The following ZNF724 variants were observed in gnomAD, a reference collection of about 807,000 sequenced individuals.
ZNF724 encodes zinc finger protein 724.
In ZNF724, 14 loss-of-function variants were observed where a neutral mutation model predicts 29.3. That is an observed-to-expected ratio of 0.48 (90% CI 0.32 to 0.75). The LOEUF (loss-of-function observed/expected upper bound fraction) is 0.75, where lower values mean the gene tolerates loss of function less well. Among genes scored for constraint, ZNF724 ranks in the 30% least tolerant of loss-of-function variants. ZNF724 has a pLI of 0.04. For missense variants in ZNF724, 557 were observed against 571.2 expected, an observed-to-expected ratio of 0.98 and a Z score of 0.25; for synonymous variants, 180 against 193.6, an observed-to-expected ratio of 0.93 and a Z score of 0.58.
intron 1 of ZNF724, among the ~76,000 whole-genome samples, chr19:23,241,129 C>T (rs1400991269): frequency 1.3e-5 from 2 of 151,946 alleles, no homozygotes; most frequent in African/African-American, 4.8e-5. Flanking sequence ...ACTATAGACA[C>T]CTCTGTACAC....
intron 1 of ZNF724, among the ~76,000 whole-genome samples, chr19:23,238,829 C>A (rs1972065840): frequency 6.6e-6 from 1 of 152,188 alleles, no homozygotes; most frequent in Non-Finnish European, 1.5e-5. Context: ...ATCACTTGAA[C>A]CCAGGAGGCA....
intron 1 of ZNF724, among the ~76,000 whole-genome samples, chr19:23,243,463 G>C (rs1173492739): frequency 1.1e-5 from 1 of 90,894 alleles, no homozygotes; most frequent in Non-Finnish European, 2.0e-5. Context: ...GTGACAGAGC[G>C]AGAGTCCATC....
chr19:23,238,780 C>T (rs1220806565), intron 1 of ZNF724, among the ~76,000 whole-genome samples: 2 of 152,078 alleles, frequency 1.3e-5, no homozygotes, highest in African/African-American at 2.4e-5. Flanking sequence ...TGGTGGCATG[C>T]ACCTGTAATC....
intron 1 of ZNF724, among the ~76,000 whole-genome samples, chr19:23,247,330 A>C (rs1433703714): frequency 6.6e-6 from 1 of 152,194 alleles, no homozygotes; most frequent in Non-Finnish European, 1.5e-5. Context: ...TATTTTTTGA[A>C]ACCTGTCTAT....
At position 23,223,990 on chromosome 19, in the gene ZNF724, A is replaced by T. The variant is rs1451279600; in HGVS notation, c.255T>A (p.Leu85=). Reference sequence around the variant, plus strand: ...AAGCTTTTATGCTCTGCTCTGGCCGAAGGTCTTGGGCAAAATAACAACACA... The same window carrying T: ...AAGCTTTTATGCTCTGCTCTGGCCGTAGGTCTTGGGCAAAATAACAACACA... The part of the protein sequence containing the change: ...PGMCCYFAQD[L]RPEQSIKASL... Residue 85 remains leucine, a synonymous_variant, in exon 4 of 4, where the codon CTT becomes CTA. Coordinates refer to ENST00000418100, the MANE Select transcript of ZNF724 (RefSeq NM_001355404.2). 8 of 688,724 alleles carry T rather than the reference A, an allele frequency of 1.2e-5. No homozygotes were observed. Among genetic ancestry groups the T allele is most frequent in the Non-Finnish European group, 2.1e-5 (8 of 380,838 alleles). The allele number at this position is 688,724 out of a possible 1,614,324, so 42.7% of individuals were successfully genotyped here. A position where few individuals can be genotyped will look rare whatever the true frequency, so the allele number is the denominator to read the frequency against.
At chr19:23,240,124 T>C (rs1021513210) in intron 1 of ZNF724, among the ~76,000 whole-genome samples, 1 of 151,876 alleles carries the variant, frequency 6.6e-6, no homozygotes, top group Non-Finnish European at 1.5e-5. Context: ...CCAACCAGCC[T>C]GGTCAACATG....
intron 3 of ZNF724, 39 bp from the exon 4 acceptor site, chr19:23,224,057 G>T (rs1452387110): frequency 1.6e-6 from 1 of 612,574 alleles, no homozygotes; most frequent in African/African-American, 1.8e-5. Context: ...CCACATACTA[G>T]ACTCAGATAC....
Position 23,223,359 on chromosome 19 carries a change from T to C in ZNF724, c.886A>G (p.Thr296Ala), listed in dbSNP as rs767060023. 13 of 769,024 alleles carry C rather than the reference T, an allele frequency of 1.7e-5. No individual in the cohort carries two copies. In the Admixed American group the frequency reaches 1.9e-4, roughly 11 times the overall value. The allele number at this position is 769,024 out of a possible 1,614,324, so 47.6% of individuals were successfully genotyped here. A position where few individuals can be genotyped will look rare whatever the true frequency, so the allele number is the denominator to read the frequency against. ...ECGKAFNQSS[T>A]LTRHKIIHAG... ...TGAATTATCTTATGTCTAGTAAGGG[T>C]TGATGATTGGTTAAAAGCTTTGCCA... The change falls in exon 4 of 4, where the codon ACC (threonine) becomes GCC (alanine). Residue 296 changes from threonine (T) to alanine (A), a missense_variant. Thr to Ala is a moderately conservative substitution (Grantham distance 58). Transcript: ENST00000418100.
chr19:23,246,615 T>C (rs1284643310), intron 1 of ZNF724, among the ~76,000 whole-genome samples: 2 of 151,052 alleles, frequency 1.3e-5, no homozygotes, highest in African/African-American at 4.9e-5. Flanking sequence ...GATCGCACCA[T>C]TGCACTCCAG....
chr19:23,240,418 C>T (rs1237173034), intron 1 of ZNF724, among the ~76,000 whole-genome samples: 2 of 151,854 alleles, frequency 1.3e-5, no homozygotes, highest in African/African-American at 4.8e-5. Flanking sequence ...TGGTCGCACT[C>T]TGACCAAAAA....
chr19:23,227,523 T>C (rs866865672), intron 3 of ZNF724, among the ~76,000 whole-genome samples: 3 of 117,250 alleles, frequency 2.6e-5, no homozygotes, highest in South Asian at 3.0e-4. Flanking sequence ...GCCATTGCAC[T>C]CCAGCCTGGG....
intron 1 of ZNF724, among the ~76,000 whole-genome samples, chr19:23,245,520 A>G (rs1005006984): frequency 6.6e-6 from 1 of 152,036 alleles, no homozygotes; most frequent in Non-Finnish European, 1.5e-5. Flanking sequence ...GGCTGAGGCA[A>G]GAGAATGGCG....
At chr19:23,228,753 G>A (rs1161355500) in intron 3 of ZNF724, among the ~76,000 whole-genome samples, 1 of 152,020 alleles carries the variant, frequency 6.6e-6, no homozygotes, top group East Asian at 1.9e-4. Flanking sequence ...ACAAAAATTA[G>A]CCAGGTGTGG....
chr19:23,242,304 C>T (rs139133504), intron 1 of ZNF724, among the ~76,000 whole-genome samples: 195 of 152,210 alleles, frequency 1.3e-3, no homozygotes, highest in African/African-American at 4.5e-3. Flanking sequence ...ACTGACCAGG[C>T]ATGATGACTC....
chr19:23,224,983 CA>C (rs199692648), intron 3 of ZNF724, among the ~76,000 whole-genome samples: 12 of 146,686 alleles, frequency 8.2e-5, no homozygotes, highest in East Asian at 4.0e-4. Flanking sequence ...ACAACAACAA[CA>C]AAAAAAAAAC....
At chr19:23,245,580 T>C (rs1972221199) in intron 1 of ZNF724, among the ~76,000 whole-genome samples, 1 of 151,342 alleles carries the variant, frequency 6.6e-6, no homozygotes, top group African/African-American at 2.4e-5. Context: ...GCCACTGCAC[T>C]CCAGACCTGG....
At chr19:23,226,605 T>C (rs933806137) in intron 3 of ZNF724, among the ~76,000 whole-genome samples, 6 of 152,152 alleles carry the variant, frequency 3.9e-5, no homozygotes, top group African/African-American at 1.4e-4. Flanking sequence ...ATAACAAAAG[T>C]GATCTGAAAG....
chr19:23,226,372 G>A (rs533882829), intron 3 of ZNF724, among the ~76,000 whole-genome samples: 1 of 152,236 alleles, frequency 6.6e-6, no homozygotes, highest in African/African-American at 2.4e-5. Flanking sequence ...CTTTACGGGT[G>A]GGCCAGGCTT....
At chr19:23,233,797 GA>G (rs34840584) in intron 1 of ZNF724, among the ~76,000 whole-genome samples, 91 of 143,986 alleles carry the variant, frequency 6.3e-4, no homozygotes, top group Middle Eastern at 3.5e-3. Context: ...ATGTTTAGCT[GA>G]AAAAAAAAAA....
Sources: allele counts gnomAD v4.1 joint callset (sites outside exome capture counted in the v4.1 genomes callset), GRCh38; gene constraint gnomAD v4.1.1; transcripts MANE v1.5; gene names NCBI Gene and HGNC (gene_info 2026-07-23, HGNC 2026-07-21).